The following TTC29 variants were observed in gnomAD, a reference collection of about 807,000 sequenced individuals.
TTC29 encodes the protein tetratricopeptide repeat domain 29.
TTC29 carries 49 observed loss-of-function variants against 58.1 expected under a neutral mutation model. The observed-to-expected ratio is 0.84, with a 90% CI of 0.67 to 1.07. The LOEUF is 1.07. TTC29 is among the 50% of genes least tolerant of loss of function. TTC29 has a pLI of 0.00. For missense variants in TTC29, 582 were observed against 555.6 expected (o/e 1.05, Z -0.48); for synonymous variants, 209 against 196.8 (o/e 1.06, Z -0.52).
intron 11 of TTC29, among the ~76,000 whole-genome samples, chr4:146,794,496 G>C (rs1749693538): frequency 6.6e-6 from 1 of 152,060 alleles, no homozygotes; most frequent in Admixed American, 6.6e-5. Flanking sequence ...GTACGGTACA[G>C]TATAAATATT....
At chr4:146,889,480 T>C (rs1732208273) in intron 6 of TTC29, among the ~76,000 whole-genome samples, 1 of 152,166 alleles carries the variant, frequency 6.6e-6, no homozygotes, top group African/African-American at 2.4e-5. Flanking sequence ...AATGCCCTTC[T>C]CCAGAGGCTG....
At position 146,874,848 on chromosome 4, in the gene TTC29, G is replaced by A. The variant is rs752773730; in HGVS notation, c.667C>T (p.Arg223Cys). Reference protein sequence around the residue: ...QGRIWKDETGRSLNLLACESL... With the variant: ...QGRIWKDETGCSLNLLACESL... ...TCACAGGCCAACAAGTTGAGAGAGC[G>A]GCCTGTCTCATCCTTCCATATCCGC... Residue 223 changes from arginine to cysteine, a missense_variant, in exon 7 of 13, where the codon CGC becomes TGC. Arg to Cys is a radical substitution (Grantham distance 180). Transcript: ENST00000325106. The A allele has an allele frequency of 8.1e-6, 13 of 1,613,236 alleles. No individual in the cohort carries two copies. Among genetic ancestry groups the A allele is most frequent in the Middle Eastern group, 1.7e-4 (1 of 6,028 alleles).
At chr4:146,895,962 TCAA>T (rs1732739886) in intron 6 of TTC29, among the ~76,000 whole-genome samples, 1 of 152,140 alleles carries the variant, frequency 6.6e-6, no homozygotes, top group Non-Finnish European at 1.5e-5. Flanking sequence ...AGAGAAGTAA[TCAA>T]CATTACTGTA....
At chr4:146,887,796 G>C (rs1357013861) in intron 6 of TTC29, among the ~76,000 whole-genome samples, 1 of 151,908 alleles carries the variant, frequency 6.6e-6, no homozygotes, top group Non-Finnish European at 1.5e-5. Context: ...TCTCTTCTTG[G>C]ACATCAATTT....
At chr4:146,938,728 A>G (rs887018342) in intron 3 of TTC29, among the ~76,000 whole-genome samples, 2 of 152,138 alleles carry the variant, frequency 1.3e-5, no homozygotes, top group Non-Finnish European at 2.9e-5. Context: ...GGGCTTTGGT[A>G]TTTCCTAGAA....
At chr4:146,721,348 T>C (rs972411150) in intron 11 of TTC29, among the ~76,000 whole-genome samples, 12 of 152,166 alleles carry the variant, frequency 7.9e-5, no homozygotes, top group Non-Finnish European at 1.3e-4. Flanking sequence ...CAAATGTGTA[T>C]ACATTTTGAC....
At chr4:146,869,009 C>T (rs1730750428) in intron 7 of TTC29, among the ~76,000 whole-genome samples, 1 of 151,474 alleles carries the variant, frequency 6.6e-6, no homozygotes, top group Non-Finnish European at 1.5e-5. Flanking sequence ...CTCCCCTTCG[C>T]CTTCTGCCAT....
chr4:146,802,129 C>T (rs1750276954), intron 11 of TTC29, among the ~76,000 whole-genome samples: 1 of 150,498 alleles, frequency 6.6e-6, no homozygotes, highest in Non-Finnish European at 1.5e-5. Flanking sequence ...GGAGTTTATC[C>T]AAAATAAATC....
At chr4:146,847,935 A>G (rs1729279382) in intron 8 of TTC29, among the ~76,000 whole-genome samples, 1 of 152,140 alleles carries the variant, frequency 6.6e-6, no homozygotes. Flanking sequence ...AAATCCTCCC[A>G]CTGAGGGAAC....
intron 7 of TTC29, among the ~76,000 whole-genome samples, chr4:146,873,132 G>A (rs1482491595): frequency 1.3e-5 from 2 of 152,132 alleles, no homozygotes; most frequent in African/African-American, 4.8e-5. Context: ...TTGGCCAACG[G>A]TTGGTGTCAG....
intron 2 of TTC29, 116 bp from the exon 3 acceptor site, chr4:146,940,017 G>A: frequency 1.1e-6 from 1 of 926,726 alleles, no homozygotes; most frequent in Non-Finnish European, 1.5e-6. Flanking sequence ...CCTATGTGTA[G>A]TGCTACAGCT....
intron 4 of TTC29, among the ~76,000 whole-genome samples, chr4:146,928,854 A>G (rs1735116641): frequency 6.6e-6 from 1 of 152,172 alleles, no homozygotes; most frequent in Non-Finnish European, 1.5e-5. Flanking sequence ...AAATAAAGTG[A>G]TATCATATCA....
chr4:146,776,496 C>T (rs1368946853), intron 11 of TTC29, among the ~76,000 whole-genome samples: 4 of 149,196 alleles, frequency 2.7e-5, no homozygotes, highest in Non-Finnish European at 5.9e-5. Context: ...ATTTTGGTTT[C>T]AGTTGGGTTC....
intron 11 of TTC29, among the ~76,000 whole-genome samples, chr4:146,764,692 C>G (rs1259606475): frequency 2.6e-5 from 4 of 151,966 alleles, no homozygotes; most frequent in African/African-American, 9.7e-5. Context: ...TGACGTTTTA[C>G]CTGCAGATGA....
chr4:146,867,708 C>T, intron 7 of TTC29, 125 bp from the exon 8 acceptor site: 1 of 486,960 alleles, frequency 2.1e-6, no homozygotes, highest in Non-Finnish European at 3.6e-6. Flanking sequence ...TCAATAATCC[C>T]CAAAACCTAG....
rs144826306 is a variant in TTC29, at chr4:146,723,347, C to T, written c.1331-15796G>A. Among the ~76,000 whole-genome samples the T allele has an allele frequency of 2.9e-3, 441 of 152,164 alleles. 4 individuals are homozygous for T. The highest frequency in any genetic ancestry group is 0.01 in the African/African-American group (425 of 41,536). On this transcript the variant is annotated intron_variant, in intron 11 of 12. Coordinates refer to ENST00000325106, the MANE Select transcript of TTC29 (RefSeq NM_031956.4). ...GGGCCTTGGGAAATAATTTATGACTCAGTCCTCAAAACAATTGCAGCAGAA... is the reference window on the plus strand; with the variant it reads ...GGGCCTTGGGAAATAATTTATGACTTAGTCCTCAAAACAATTGCAGCAGAA...
At chr4:146,903,449 C>T in intron 6 of TTC29, 95 bp downstream of exon 6, 2 of 1,125,354 alleles carry the variant, frequency 1.8e-6, no homozygotes, top group South Asian at 1.8e-5. Context: ...GCTGAAATCT[C>T]AGGTCTTTTT....
rs183874033 is a variant in TTC29 at position 146,930,118 on chromosome 4, T to C, written c.176+7476A>G. Among the ~76,000 whole-genome samples, 979 of 128,758 alleles carry C rather than the reference T, an allele frequency of 7.6e-3. 12 individuals are homozygous for C. Among genetic ancestry groups the C allele is most frequent in the East Asian group, 0.042 (175 of 4,156 alleles). 84.5% of individuals were successfully genotyped at this position (128,758 alleles called of 152,430 possible). A position where few individuals can be genotyped will look rare whatever the true frequency, so the allele number is the denominator to read the frequency against. On this transcript the variant is annotated intron_variant, in intron 4 of 12. Coordinates refer to ENST00000325106, the MANE Select transcript of TTC29 (RefSeq NM_031956.4). ...ATATATATATATATATATATATATA[T>C]ACACACATATATATCTTGATAAGTT...
At chr4:146,723,264 T>C (rs1477097597) in intron 11 of TTC29, among the ~76,000 whole-genome samples, 2 of 150,990 alleles carry the variant, frequency 1.3e-5, no homozygotes, top group African/African-American at 4.9e-5. Flanking sequence ...AAAAATTAAA[T>C]GTAAGACCTC....
Sources: allele counts gnomAD v4.1 joint callset (sites outside exome capture counted in the v4.1 genomes callset), GRCh38; gene constraint gnomAD v4.1.1; transcripts MANE v1.5; gene names NCBI Gene and HGNC (gene_info 2026-07-23, HGNC 2026-07-21).